The following MEGF10 variants were observed in gnomAD, a reference collection of about 807,000 sequenced individuals.
The protein encoded by MEGF10 is multiple EGF like domains 10.
In MEGF10, 86 loss-of-function variants were observed where a neutral mutation model predicts 147.5. The observed-to-expected ratio is 0.58, with a 90% CI of 0.49 to 0.70. The LOEUF is 0.70. Ranked by LOEUF, MEGF10 falls within the 30% of genes least tolerant of loss-of-function variation. The pLI, the probability that MEGF10 is intolerant of heterozygous loss-of-function variation, is 0.00. For synonymous variants in MEGF10, 478 were observed against 525.5 expected (o/e 0.91, Z 1.24); for missense variants, 1,329 against 1,487.3 (o/e 0.89, Z 1.75).
At chr5:127,409,018 A>G (rs1254687940) in intron 8 of MEGF10, among the ~76,000 whole-genome samples, 7 of 152,148 alleles carry the variant, frequency 4.6e-5, no homozygotes, top group Non-Finnish European at 2.9e-5. Flanking sequence ...TCGAGGTTAC[A>G]GTGAGCTATG....
chr5:127,359,454 C>A lies in MEGF10; in HGVS notation c.320-10456C>A, dbSNP rs545441043. 3.0e-4 allele frequency among the ~76,000 whole-genome samples: 46 copies of A among 152,082 alleles called. No homozygotes were observed. The South Asian group carries it at 7.9e-3, about 26-fold the overall frequency. ...TAAATATTGACATATGTACACAACC[C>A]TTAAACCCTCACCTCAATTATGATA... On this transcript the variant is annotated intron_variant, in intron 4 of 24. Coordinates refer to ENST00000503335, the MANE Select transcript of MEGF10 (RefSeq NM_001256545.2).
At chr5:127,241,888 C>T in the MEGF10 span, among the ~76,000 whole-genome samples, 4 of 151,996 alleles carry the variant, frequency 2.6e-5, no homozygotes, top group African/African-American at 9.7e-5. Context: ...CTATAATTTC[C>T]CTCTTGAGCA....
chr5:127,378,438 G>A (rs1763116476), intron 5 of MEGF10, among the ~76,000 whole-genome samples: 1 of 152,068 alleles, frequency 6.6e-6, no homozygotes, highest in Non-Finnish European at 1.5e-5. Flanking sequence ...TGTCTCACAG[G>A]CCACACCCTT....
At position 127,457,389 on chromosome 5, in the gene MEGF10, T is replaced by C. The variant is rs1049227647; in HGVS notation, c.*71T>C. On this transcript the variant is annotated 3_prime_UTR_variant, in exon 25 of 25. Coordinates refer to ENST00000503335, the MANE Select transcript of MEGF10 (RefSeq NM_001256545.2). ...CTGTTTGGTTCTTCTCCATCCTCAA[T>C]TTTGCCACTTTCATGTGAATGTTAG... The C allele has an allele frequency of 6.7e-7, 1 of 1,489,820 alleles. No homozygotes were observed. The highest frequency in any genetic ancestry group is 1.3e-5 in the South Asian group (1 of 74,566). 92.3% of individuals were successfully genotyped at this position (1,489,820 alleles called of 1,614,324 possible). A position where few individuals can be genotyped will look rare whatever the true frequency, so the allele number is the denominator to read the frequency against.
the MEGF10 span, among the ~76,000 whole-genome samples, chr5:127,247,336 A>G: frequency 0.14 from 532 of 3,698 alleles, 14 homozygotes; most frequent in South Asian, 0.19. Flanking sequence ...GAAGAAGAAG[A>G]AGAAGAAGAA....
the MEGF10 span, among the ~76,000 whole-genome samples, chr5:127,282,993 C>T: frequency 2.6e-3 from 393 of 151,892 alleles, 4 homozygotes; most frequent in African/African-American, 9.1e-3. Context: ...ATTTTTTTTT[C>T]CCCAGTCCTC....
At chr5:127,404,276 G>A (rs1178509549) in intron 8 of MEGF10, among the ~76,000 whole-genome samples, 1 of 152,012 alleles carries the variant, frequency 6.6e-6, no homozygotes. Context: ...TTCAAGAAAT[G>A]TCTATTCAAA....
chr5:127,372,937 G>A (rs1028381773), intron 5 of MEGF10, among the ~76,000 whole-genome samples: 1 of 152,120 alleles, frequency 6.6e-6, no homozygotes, highest in Non-Finnish European at 1.5e-5. Context: ...GGGATGAAGG[G>A]CAGGACTCAA....
chr5:127,308,449 C>T (rs760769260), intron 1 of MEGF10, among the ~76,000 whole-genome samples: 7 of 152,022 alleles, frequency 4.6e-5, no homozygotes, highest in African/African-American at 7.3e-5. Flanking sequence ...ACAGTGGCTG[C>T]GAAATGCTTG....
intron 1 of MEGF10, among the ~76,000 whole-genome samples, chr5:127,315,233 T>C (rs1341360526): frequency 2.6e-5 from 4 of 152,122 alleles, no homozygotes; most frequent in Non-Finnish European, 2.9e-5. Context: ...AAAGGTTTTT[T>C]CCCCATAAAA....
At position 127,403,705 on chromosome 5, in the gene MEGF10, T is replaced by A. The variant is rs531583376; in HGVS notation, c.917+1023T>A. Among the ~76,000 whole-genome samples, 16 of 152,020 alleles carry A rather than the reference T, an allele frequency of 1.1e-4. 1 individual carries two copies. The highest frequency in any genetic ancestry group is 9.8e-4 in the Admixed American group (15 of 15,288). On this transcript the variant is annotated intron_variant, in intron 8 of 24. Coordinates refer to ENST00000503335, the MANE Select transcript of MEGF10 (RefSeq NM_001256545.2). ...TGAGAACATGTGATGTTTGTCTTTC[T>A]GTGCCTAGCTTATTTCATTTAACAT...
At position 127,328,806 on chromosome 5, in the gene MEGF10, C is replaced by T. The variant is rs562639659; in HGVS notation, c.-18-2485C>T. Among the ~76,000 whole-genome samples the T allele has an allele frequency of 2.6e-5, 4 of 152,134 alleles. No individual in the cohort carries two copies. The South Asian group carries it at 8.3e-4, about 32-fold the overall frequency. ...TTGAGGAAAGAATGAAAGCTAAACA[C>T]ATTTCACACTTCGTTGAAGGGAAAT... is the stretch of plus-strand genomic sequence containing the variant. On this transcript the variant is annotated intron_variant, in intron 1 of 24. Coordinates refer to ENST00000503335, the MANE Select transcript of MEGF10 (RefSeq NM_001256545.2).
the MEGF10 span, among the ~76,000 whole-genome samples, chr5:127,281,694 C>T: frequency 8.5e-5 from 13 of 152,296 alleles, no homozygotes; most frequent in Middle Eastern, 0.017. Context: ...GTGGTGCACA[C>T]GGGATGGCCA....
In MEGF10 at chr5:127,457,292, AG is replaced by A; in HGVS notation, c.3398del (p.Ser1133ThrfsTer57). 6.2e-7 allele frequency: 1 copy of A among 1,613,546 alleles called. No individual in the cohort carries two copies. On this transcript the variant is annotated frameshift_variant, in exon 25 of 25. Transcript: ENST00000503335. LOFTEE classifies it high-confidence loss of function. Reference protein sequence around the residue: ...PKQEDSGGSSSNSSSSSE With the variant: ...PKQEDSGGSSXNSSSSSE ...GCAAGAGGACAGTGGTGGTAGCAGC[AG>A]CAACAGCAGCAGCAGCAGTGAATGA...
chr5:127,309,213 C>A (rs1358034343), intron 1 of MEGF10, among the ~76,000 whole-genome samples: 1 of 152,212 alleles, frequency 6.6e-6, no homozygotes, highest in African/African-American at 2.4e-5. Context: ...GAGTTCTCAC[C>A]TTTTGGGCAG....
intron 13 of MEGF10, among the ~76,000 whole-genome samples, chr5:127,423,700 G>A (rs191704743): frequency 4.3e-4 from 65 of 152,116 alleles, no homozygotes; most frequent in African/African-American, 1.6e-3. Context: ...ATAAATCCCT[G>A]CTCAGACTCT....
At chr5:127,403,803 A>G (rs1764221712) in intron 8 of MEGF10, among the ~76,000 whole-genome samples, 2 of 152,174 alleles carry the variant, frequency 1.3e-5, no homozygotes, top group African/African-American at 4.8e-5. Flanking sequence ...ATAGTACTCC[A>G]TTGTGTATAT....
intron 1 of MEGF10, among the ~76,000 whole-genome samples, chr5:127,306,186 C>T (rs766913122): frequency 6.6e-6 from 1 of 152,120 alleles, no homozygotes. Context: ...TAATTAGGGC[C>T]CCGGTGCCGT....
rs758223605 is a variant in MEGF10 at position 127,457,491 on chromosome 5, G to A, written c.*173G>A. 2 of 654,342 alleles carry A rather than the reference G, an allele frequency of 3.1e-6. No individual in the cohort carries two copies. The highest frequency in any genetic ancestry group is 5.1e-6 in the Non-Finnish European group (2 of 393,896). The allele number at this position is 654,342 out of a possible 1,614,324, so 40.5% of individuals were successfully genotyped here. On this transcript the variant is annotated 3_prime_UTR_variant, in exon 25 of 25. Transcript: ENST00000503335. The stretch of plus-strand genomic sequence containing the variant: ...CTGACACGGACTGTAGGTGCTTTTT[G>A]TTCAGGTGGATTCGAAGGAGTTAGA...
Sources: gnomAD v4.1 joint callset for allele counts (sites outside exome capture counted in the v4.1 genomes callset) on GRCh38, gnomAD v4.1.1 for gene constraint, MANE v1.5 for transcripts, NCBI Gene and HGNC (gene_info 2026-07-23, HGNC 2026-07-21) for gene names.